Variants in CCDC85A observed in about 807,000 individuals in gnomAD.
The protein encoded by CCDC85A is coiled-coil domain containing 85A.
In CCDC85A, 38 loss-of-function variants were observed where a neutral mutation model predicts 50.2. That is an observed-to-expected ratio of 0.76 (90% confidence interval 0.58 to 0.99). The LOEUF (loss-of-function observed/expected upper bound fraction) is 0.99. Among genes scored for constraint, CCDC85A ranks in the 50% least tolerant of loss-of-function variants. The pLI is 0.00. For missense variants in CCDC85A, 820 were observed against 742.0 expected (o/e 1.11, Z -1.22); for synonymous variants, 366 against 301.4 (o/e 1.21, Z -2.22).
chr2:56,222,950 T>C (rs973268156), intron 2 of CCDC85A, among the ~76,000 whole-genome samples: 2 of 152,164 alleles, frequency 1.3e-5, no homozygotes, highest in South Asian at 4.1e-4. Context: ...CATTCCTGAT[T>C]TTAAACCAAT....
intron 2 of CCDC85A, among the ~76,000 whole-genome samples, chr2:56,291,106 T>C (rs747162814): frequency 2.9e-4 from 44 of 152,350 alleles, no homozygotes; most frequent in Admixed American, 6.5e-4. Context: ...ACTTCGGTTT[T>C]TGTAAAATGT....
At chr2:56,345,488 C>T (rs893713966) in intron 3 of CCDC85A, among the ~76,000 whole-genome samples, 12 of 152,142 alleles carry the variant, frequency 7.9e-5, no homozygotes, top group Non-Finnish European at 1.8e-4. Context: ...GCAAAGAATG[C>T]AGTAGATCTG....
chr2:56,363,016 A>G (rs1488632107), intron 3 of CCDC85A, among the ~76,000 whole-genome samples: 2 of 151,678 alleles, frequency 1.3e-5, no homozygotes, highest in South Asian at 4.2e-4. Context: ...TTTTGTTTTA[A>G]CTCTCTGTGC....
Position 56,184,858 on chromosome 2 carries a change from C to T in CCDC85A, c.234C>T (p.Asn78=), listed in dbSNP as rs13430597. 4,145 of 1,537,704 alleles carry T rather than the reference C, an allele frequency of 2.7e-3. 92 individuals are homozygous for T. In the African/African-American group the frequency reaches 0.052, roughly 19 times the overall value. ...ACAGCAACCTCATCCGCGAGGTGAA[C>T]CGCCGCCTGCAGCTGCACCTCGGCG... The part of the protein sequence containing the change: ...LDHSNLIREV[N]RRLQLHLGEI... The change falls in exon 1 of 6, where the codon AAC becomes AAT. Residue 78 remains asparagine, a synonymous_variant. Coordinates refer to ENST00000407595, the MANE Select transcript of CCDC85A (RefSeq NM_001080433.2).
intron 2 of CCDC85A, among the ~76,000 whole-genome samples, chr2:56,277,142 G>A (rs1670988101): frequency 6.6e-6 from 1 of 152,252 alleles, no homozygotes; most frequent in South Asian, 2.1e-4. Context: ...CAGCTTAAAT[G>A]AGGAAGCTGG....
At chr2:56,231,647 G>A (rs975333928) in intron 2 of CCDC85A, among the ~76,000 whole-genome samples, 2 of 152,126 alleles carry the variant, frequency 1.3e-5, no homozygotes, top group East Asian at 1.9e-4. Context: ...TTAATGGGGT[G>A]CCTAAAACCT....
intron 2 of CCDC85A, among the ~76,000 whole-genome samples, chr2:56,323,556 C>T (rs1319218145): frequency 1.3e-5 from 2 of 152,110 alleles, no homozygotes; most frequent in South Asian, 2.1e-4. Flanking sequence ...TGTTGATGCT[C>T]CTTCCTGGGG....
At chr2:56,211,637 A>G (rs78630297) in intron 2 of CCDC85A, among the ~76,000 whole-genome samples, 68 of 152,166 alleles carry the variant, frequency 4.5e-4, no homozygotes, top group Middle Eastern at 3.4e-3. Context: ...GGGAGAAGGC[A>G]TCACAATTTC....
intron 2 of CCDC85A, among the ~76,000 whole-genome samples, chr2:56,222,513 A>C (rs2193475): frequency 0.38 from 57,513 of 151,912 alleles, 12,369 homozygotes; most frequent in East Asian, 0.58. Context: ...CTGGGCTGGA[A>C]TTTTTCACTT....
At chr2:56,323,131 C>A (rs1673292681) in intron 2 of CCDC85A, among the ~76,000 whole-genome samples, 1 of 152,026 alleles carries the variant, frequency 6.6e-6, no homozygotes, top group South Asian at 2.1e-4. Context: ...ACATCACACA[C>A]CAGGGCCTGT....
intron 1 of CCDC85A, among the ~76,000 whole-genome samples, chr2:56,186,048 A>G (rs1676028661): frequency 1.3e-5 from 2 of 152,158 alleles, no homozygotes; most frequent in African/African-American, 4.8e-5. Flanking sequence ...GGCAAGAAAG[A>G]GTGGGAAGAG....
chr2:56,362,207 T>C (rs1238133014), intron 3 of CCDC85A, among the ~76,000 whole-genome samples: 1 of 152,108 alleles, frequency 6.6e-6, no homozygotes, highest in Non-Finnish European at 1.5e-5. Context: ...TCTTGGATTT[T>C]GATCTCAGCA....
chr2:56,229,911 A>G (rs1668707131), intron 2 of CCDC85A, among the ~76,000 whole-genome samples: 1 of 152,230 alleles, frequency 6.6e-6, no homozygotes, highest in South Asian at 2.1e-4. Context: ...TTGCTTTAGC[A>G]TAAGCAGGAT....
chr2:56,309,414 T>C (rs72803034), intron 2 of CCDC85A, among the ~76,000 whole-genome samples: 20,720 of 152,168 alleles, frequency 0.14, 1,602 homozygotes, highest in Admixed American at 0.23. Flanking sequence ...CTAGTTGGCA[T>C]TACAGACTAG....
intron 2 of CCDC85A, among the ~76,000 whole-genome samples, chr2:56,282,409 A>T (rs942478176): frequency 6.6e-6 from 1 of 152,228 alleles, no homozygotes; most frequent in African/African-American, 2.4e-5. Flanking sequence ...ATATTAAAGT[A>T]ATTGTATCAA....
intron 3 of CCDC85A, among the ~76,000 whole-genome samples, chr2:56,354,805 A>G (rs1005528287): frequency 2.0e-5 from 3 of 152,242 alleles, no homozygotes; most frequent in Non-Finnish European, 2.9e-5. Flanking sequence ...AAGTCTTACT[A>G]GAAGACGATT....
At chr2:56,237,957 A>G (rs1573077093) in intron 2 of CCDC85A, among the ~76,000 whole-genome samples, 1 of 152,306 alleles carries the variant, frequency 6.6e-6, no homozygotes, top group East Asian at 1.9e-4. Flanking sequence ...AAAGGTAGAC[A>G]GTATCTTCAC....
chr2:56,313,320 C>T (rs73940654), intron 2 of CCDC85A, among the ~76,000 whole-genome samples: 7,436 of 152,200 alleles, frequency 0.049, 613 homozygotes, highest in African/African-American at 0.17. Context: ...TATATCTCTT[C>T]ATAATTATAA....
intron 2 of CCDC85A, among the ~76,000 whole-genome samples, chr2:56,290,751 T>G (rs1289629338): frequency 1.3e-5 from 2 of 152,256 alleles, no homozygotes; most frequent in Non-Finnish European, 2.9e-5. Context: ...CATTTGGCAC[T>G]TTCCTCTATA....
Sources: allele counts gnomAD v4.1 joint callset (sites outside exome capture counted in the v4.1 genomes callset), GRCh38; gene constraint gnomAD v4.1.1; transcripts MANE v1.5; gene names NCBI Gene and HGNC (gene_info 2026-07-23, HGNC 2026-07-21).